The following NCOR1 variants were observed in gnomAD, a reference collection of about 807,000 sequenced individuals.
NCOR1 encodes nuclear receptor corepressor 1.
NCOR1 carries 63 observed loss-of-function variants against 288.1 expected under a neutral mutation model. The observed-to-expected ratio is 0.22, with a 90% CI of 0.18 to 0.27. The LOEUF is 0.27. Among genes scored for constraint, NCOR1 ranks in the 10% least tolerant of loss-of-function variants. The pLI is 1.00. For synonymous variants in NCOR1, 1,007 were observed against 1,065.9 expected, an observed-to-expected ratio of 0.94 and a Z score of 1.08; for missense variants, 2,397 against 3,019.2, an observed-to-expected ratio of 0.79 and a Z score of 4.83.
chr17:16,066,299 G>A (rs2061116334), intron 32 of NCOR1, among the ~76,000 whole-genome samples: 3 of 152,180 alleles, frequency 2.0e-5, no homozygotes, highest in African/African-American at 7.2e-5. Context: ...TGGTGTGGCT[G>A]TATCCTAATA....
intron 11 of NCOR1, 36 bp from the exon 12 acceptor site, chr17:16,139,222 T>A: frequency 6.3e-7 from 1 of 1,578,182 alleles, no homozygotes; most frequent in Non-Finnish European, 8.6e-7. Context: ...GAATAAAACA[T>A]AAACTAGAAA....
chr17:16,034,144 A>G (rs2151829589), intron 45 of NCOR1, among the ~76,000 whole-genome samples: 1 of 152,374 alleles, frequency 6.6e-6, no homozygotes, highest in African/African-American at 2.4e-5. Flanking sequence ...CAAAAGAACT[A>G]AAACCACCTT....
chr17:16,057,496 T>C lies in NCOR1; in HGVS notation c.6392+18A>G. ...TACTGTTGGGCAATTTATATATAAT[T>C]TGGAATAAAGATCATACCTTCCCCT... On this transcript the variant is annotated intron_variant, in intron 40 of 45. Coordinates refer to ENST00000268712, the MANE Select transcript of NCOR1 (RefSeq NM_006311.4). 1 of 1,603,590 alleles carries C rather than the reference T, an allele frequency of 6.2e-7. No homozygotes were observed. The highest frequency in any genetic ancestry group is 8.5e-7 in the Non-Finnish European group (1 of 1,170,504).
intron 2 of NCOR1, among the ~76,000 whole-genome samples, chr17:16,188,265 T>A (rs995323272): frequency 1.3e-5 from 2 of 152,156 alleles, no homozygotes; most frequent in African/African-American, 4.8e-5. Flanking sequence ...AAATAACTCA[T>A]AGTCTAAGAA....
rs138999666 is a variant in NCOR1 at position 16,044,806 on chromosome 17, T to G, written c.6679+2145A>C. The G allele has an allele frequency of 9.0e-6, 10 of 1,105,248 alleles. 1 individual carries two copies. In the South Asian group the frequency reaches 1.3e-4, roughly 14 times the overall value. 68.5% of individuals were successfully genotyped at this position (1,105,248 alleles called of 1,614,324 possible). On this transcript the variant is annotated intron_variant, in intron 42 of 45. Transcript: ENST00000268712. ...TCAACATTGGGAGCCTCATCTACAA[T>G]GTAGGGGCTGGTGGACCTGCTCCAG...
At chr17:16,072,983 G>A (rs2061944424) in intron 28 of NCOR1, among the ~76,000 whole-genome samples, 1 of 152,224 alleles carries the variant, frequency 6.6e-6, no homozygotes. Context: ...TACAGAGGAA[G>A]AAACAGGCTC....
chr17:16,102,597 AATT>A (rs2067837630), intron 19 of NCOR1, among the ~76,000 whole-genome samples: 1 of 146,282 alleles, frequency 6.8e-6, no homozygotes, highest in South Asian at 2.2e-4. Flanking sequence ...CTGCATATCT[AATT>A]TTTTTTTTTT....
At chr17:16,081,315 T>G (rs1304075118) in intron 23 of NCOR1, among the ~76,000 whole-genome samples, 1 of 148,436 alleles carries the variant, frequency 6.7e-6, no homozygotes, top group Non-Finnish European at 1.5e-5. Flanking sequence ...TCAAGCAATG[T>G]AAGAATCGAC....
At chr17:16,112,832 C>CACT (rs2070603602) in intron 18 of NCOR1, among the ~76,000 whole-genome samples, 1 of 152,006 alleles carries the variant, frequency 6.6e-6, no homozygotes, top group African/African-American at 2.4e-5. Context: ...GCCAGATAGA[C>CACT]ACTTACTATA....
At chr17:16,158,312 A>G (rs1019420761) in intron 6 of NCOR1, among the ~76,000 whole-genome samples, 20 of 152,192 alleles carry the variant, frequency 1.3e-4, no homozygotes, top group African/African-American at 4.6e-4. Context: ...TAGCCCAACT[A>G]TCGACTGTGA....
At chr17:16,144,761 A>ATCTCCC (rs1372246165) in intron 10 of NCOR1, among the ~76,000 whole-genome samples, 2 of 137,368 alleles carry the variant, frequency 1.5e-5, no homozygotes, top group African/African-American at 5.5e-5. Context: ...GCTTTCCACG[A>ATCTCCC]TCTCCCTCTC....
chr17:16,102,304 T>A (rs1203408025), intron 19 of NCOR1, among the ~76,000 whole-genome samples: 2 of 152,204 alleles, frequency 1.3e-5, no homozygotes, highest in East Asian at 3.9e-4. Flanking sequence ...TTTTTGGAGA[T>A]GGGGTTTTGC....
intron 40 of NCOR1, 148 bp from the exon 41 acceptor site, chr17:16,049,136 C>A: frequency 3.2e-6 from 2 of 629,790 alleles, no homozygotes; most frequent in Non-Finnish European, 2.5e-6. Flanking sequence ...CAGGTATTCA[C>A]TATATACATA....
intron 1 of NCOR1, among the ~76,000 whole-genome samples, chr17:16,194,851 T>C (rs918954921): frequency 6.6e-6 from 1 of 152,210 alleles, no homozygotes; most frequent in Non-Finnish European, 1.5e-5. Context: ...ACAAATAATA[T>C]AATTAGTTAT....
intron 3 of NCOR1, among the ~76,000 whole-genome samples, chr17:16,183,436 C>G (rs2085963980): frequency 6.7e-6 from 1 of 150,222 alleles, no homozygotes; most frequent in African/African-American, 2.4e-5. Context: ...GTTTTATATA[C>G]AAGTAACAAC....
rs764009172 is a variant in NCOR1 at position 16,121,053 on chromosome 17, G to A, written c.1851C>T (p.Pro617=). The change falls in exon 16 of 46, where the codon CCC becomes CCT. Residue 617 remains proline (P), a splice_region_variant and synonymous_variant. Transcript: ENST00000268712. The part of the protein sequence containing the change: ...PPPPLPPPPE[P]ISTEPVETSR... ...TTTATGCCAATTGTTTCCACTCACTGGGTTCTGGTGGCGGTGGCAGAGGTG... is the reference window on the plus strand; with the variant it reads ...TTTATGCCAATTGTTTCCACTCACTAGGTTCTGGTGGCGGTGGCAGAGGTG... 6.2e-7 allele frequency: 1 copy of A among 1,611,692 alleles called. No homozygotes were observed. The highest frequency in any genetic ancestry group is 8.5e-7 in the Non-Finnish European group (1 of 1,178,364).
intron 1 of NCOR1, among the ~76,000 whole-genome samples, chr17:16,211,277 GAGAC>G (rs2153621787): frequency 6.7e-6 from 1 of 149,064 alleles, no homozygotes; most frequent in African/African-American, 2.5e-5. Context: ...TTTTTTTTGA[GAGAC>G]AGTCTTGCTC....
intron 16 of NCOR1, among the ~76,000 whole-genome samples, chr17:16,120,624 A>G (rs901177786): frequency 5.3e-5 from 8 of 152,136 alleles, no homozygotes; most frequent in African/African-American, 1.9e-4. Context: ...AATTTATTCC[A>G]TGACAAATAA....
chr17:16,175,945 G>A (rs571197258), intron 3 of NCOR1, among the ~76,000 whole-genome samples: 232 of 152,174 alleles, frequency 1.5e-3, no homozygotes, highest in Non-Finnish European at 2.7e-3. Context: ...GGCCAGGTGC[G>A]GTGGTTCACA....
Sources: gnomAD v4.1 joint callset for allele counts (sites outside exome capture counted in the v4.1 genomes callset) on GRCh38, gnomAD v4.1.1 for gene constraint, MANE v1.5 for transcripts, NCBI Gene and HGNC (gene_info 2026-07-23, HGNC 2026-07-21) for gene names.